Variants in HTR3B observed in about 807,000 individuals in gnomAD.
The protein encoded by HTR3B is 5-hydroxytryptamine receptor 3B, also known as 5-hydroxytryptamine (serotonin) receptor 3B, ionotropic.
In HTR3B, 44 loss-of-function variants were observed where a neutral mutation model predicts 42.8. The observed-to-expected ratio is 1.03, with a 90% CI of 0.81 to 1.32. HTR3B has a LOEUF of 1.32. Among genes scored for constraint, HTR3B ranks in the 40% most tolerant of loss-of-function variants. HTR3B has a pLI of 0.00. For missense variants in HTR3B, 527 were observed against 536.5 expected (o/e 0.98, Z 0.17); for synonymous variants, 203 against 209.0 (o/e 0.97, Z 0.25).
chr11:113,946,397 C>T lies in HTR3B; in HGVS notation c.*260C>T. 4.5e-6 allele frequency: 1 copy of T among 220,648 alleles called. No individual in the cohort carries two copies. Among genetic ancestry groups the T allele is most frequent in the Non-Finnish European group, 9.1e-6 (1 of 110,220 alleles). The allele number at this position is 220,648 out of a possible 1,614,324, so 13.7% of individuals were successfully genotyped here. ...ATAAATAAATAGCTGGGCATAGTGG[C>T]TCATGCCTGTACTCTCAGCTACTTG... On this transcript the variant is annotated 3_prime_UTR_variant, in exon 9 of 9. Coordinates refer to ENST00000260191, the MANE Select transcript of HTR3B (RefSeq NM_006028.5).
chr11:113,920,665 T>C (rs1949903652), intron 2 of HTR3B, among the ~76,000 whole-genome samples: 1 of 151,632 alleles, frequency 6.6e-6, no homozygotes, highest in Non-Finnish European at 1.5e-5. Context: ...TGAGCTACTG[T>C]GCATGGCCAT....
At chr11:113,926,809 G>A (rs182004348) in intron 2 of HTR3B, among the ~76,000 whole-genome samples, 21 of 152,284 alleles carry the variant, frequency 1.4e-4, no homozygotes, top group African/African-American at 4.3e-4. Context: ...GATTACAGGC[G>A]TGAGCAACCG....
At chr11:113,939,551 C>T (rs1409793495) in intron 6 of HTR3B, among the ~76,000 whole-genome samples, 3 of 152,090 alleles carry the variant, frequency 2.0e-5, no homozygotes, top group African/African-American at 7.2e-5. Flanking sequence ...TCGGGGAACA[C>T]GTGGTCTGAT....
Position 113,943,095 on chromosome 11 carries a change from G to GGA in HTR3B, c.810_811insGA (p.Ile271GlufsTer27). ...ACCTGCCACCCAACTGCCGAGCCAG[G>GGA]ATTGTGTTCAAGACCAGTGTGCTGG... On this transcript the variant is annotated frameshift_variant, in exon 7 of 9. Transcript: ENST00000260191. LOFTEE classifies it high-confidence loss of function. The GGA allele has an allele frequency of 6.2e-7, 1 of 1,614,122 alleles. No homozygotes were observed. The highest frequency in any genetic ancestry group is 8.5e-7 in the Non-Finnish European group (1 of 1,180,026).
intron 2 of HTR3B, among the ~76,000 whole-genome samples, chr11:113,912,685 C>G (rs1949809071): frequency 3.9e-5 from 6 of 152,194 alleles, no homozygotes; most frequent in Admixed American, 3.9e-4. Context: ...GTTCCTATTG[C>G]TACACATCCC....
intron 6 of HTR3B, among the ~76,000 whole-genome samples, chr11:113,934,908 G>A (rs1353300608): frequency 1.3e-5 from 2 of 152,094 alleles, no homozygotes; most frequent in Non-Finnish European, 2.9e-5. Flanking sequence ...ATGCAAGGTG[G>A]AACATAGTCA....
At chr11:113,936,214 G>T (rs1022065624) in intron 6 of HTR3B, among the ~76,000 whole-genome samples, 2 of 151,900 alleles carry the variant, frequency 1.3e-5, no homozygotes, top group Non-Finnish European at 2.9e-5. Flanking sequence ...TTTCTTTAAA[G>T]AATGAGGGTA....
chr11:113,937,784 G>A (rs950718787), intron 6 of HTR3B, among the ~76,000 whole-genome samples: 1 of 152,198 alleles, frequency 6.6e-6, no homozygotes, highest in Non-Finnish European at 1.5e-5. Context: ...TTTGCCCACT[G>A]GGCATTACTT....
chr11:113,909,280 T>G lies in HTR3B; in HGVS notation c.53-15T>G. On this transcript the variant is annotated splice_polypyrimidine_tract_variant and intron_variant, in intron 1 of 8. Transcript: ENST00000260191. ...CCTCTTACTTTTATCTTCACAATGATAGTTTATTTTCCAGGAATTCTAGCC... is the reference window on the plus strand; with the variant it reads ...CCTCTTACTTTTATCTTCACAATGAGAGTTTATTTTCCAGGAATTCTAGCC... The G allele has an allele frequency of 6.2e-7, 1 of 1,604,482 alleles. No homozygotes were observed. The highest frequency in any genetic ancestry group is 1.7e-5 in the Admixed American group (1 of 60,000).
At chr11:113,931,639 T>C in intron 3 of HTR3B, 119 bp from the exon 4 acceptor site, 1 of 716,950 alleles carries the variant, frequency 1.4e-6, no homozygotes, top group Non-Finnish European at 2.4e-6. Flanking sequence ...TCCTTTCTCC[T>C]AACAGGTAGA....
At chr11:113,931,209 G>A (rs1565563434) in intron 2 of HTR3B, among the ~76,000 whole-genome samples, 175 bp from the exon 3 acceptor site, 1 of 148,838 alleles carries the variant, frequency 6.7e-6, no homozygotes, top group Non-Finnish European at 1.5e-5. Flanking sequence ...CGACAGGTGT[G>A]CATAATAAGT....
At chr11:113,911,405 T>G (rs1949791985) in intron 2 of HTR3B, among the ~76,000 whole-genome samples, 1 of 150,950 alleles carries the variant, frequency 6.6e-6, no homozygotes, top group African/African-American at 2.4e-5. Flanking sequence ...TAATTTTGTA[T>G]TTTTAGTAGA....
intron 1 of HTR3B, 127 bp from the exon 2 acceptor site, chr11:113,909,168 G>C: frequency 1.4e-6 from 1 of 735,222 alleles, no homozygotes; most frequent in Non-Finnish European, 2.4e-6. Context: ...GCTGTGAATT[G>C]ATGCAGATTT....
intron 5 of HTR3B, 122 bp from the exon 6 acceptor site, chr11:113,932,814 C>T: frequency 2.1e-6 from 2 of 953,578 alleles, no homozygotes; most frequent in East Asian, 2.4e-5. Context: ...CAAATAAGGC[C>T]AAGGAGACTG....
chr11:113,926,564 T>A (rs932355745), intron 2 of HTR3B, among the ~76,000 whole-genome samples: 11 of 149,228 alleles, frequency 7.4e-5, no homozygotes, highest in Non-Finnish European at 1.5e-4. Context: ...AGTCTCACTC[T>A]GTCACCCAGG....
At chr11:113,933,288 C>T (rs1401068735) in intron 6 of HTR3B, among the ~76,000 whole-genome samples, 195 bp downstream of exon 6, 1 of 152,224 alleles carries the variant, frequency 6.6e-6, no homozygotes, top group Admixed American at 6.5e-5. Flanking sequence ...ATGCTGGGCC[C>T]CTCCAGAAGA....
At chr11:113,903,687 C>T (rs1343647145), upstream of HTR3B, among the ~76,000 whole-genome samples, 1 of 152,140 alleles carries the variant, frequency 6.6e-6, no homozygotes, top group Non-Finnish European at 1.5e-5. Flanking sequence ...CTCGGCCTCC[C>T]AAAGTGCTGG....
At chr11:113,930,825 T>C (rs1465949719) in intron 2 of HTR3B, among the ~76,000 whole-genome samples, 4 of 152,144 alleles carry the variant, frequency 2.6e-5, no homozygotes, top group African/African-American at 9.7e-5. Flanking sequence ...GGGGGGTCTT[T>C]TAAAAATTTT....
intron 2 of HTR3B, among the ~76,000 whole-genome samples, chr11:113,924,624 C>CAA (rs34212177): frequency 0.35 from 18,156 of 51,802 alleles, 3,968 homozygotes; most frequent in East Asian, 0.59. Context: ...GACCTTGTCT[C>CAA]AAAAAAAAAA....
Sources: gnomAD v4.1 joint callset for allele counts (sites outside exome capture counted in the v4.1 genomes callset) on GRCh38, gnomAD v4.1.1 for gene constraint, MANE v1.5 for transcripts, NCBI Gene and HGNC (gene_info 2026-07-23, HGNC 2026-07-21) for gene names.